NTRK2: variants seen among roughly 807,000 people sequenced by gnomAD.
NTRK2 encodes the protein neurotrophic receptor tyrosine kinase 2, also known as BDNF/NT-3 growth factors receptor.
Under a neutral mutation model 94.5 loss-of-function variants are expected in NTRK2, and 13 were observed. The ratio of observed to expected loss-of-function variants is 0.14; its 90% CI spans 0.09 to 0.22. The LOEUF is 0.22. Among genes scored for constraint, NTRK2 ranks in the 10% least tolerant of loss-of-function variants. The probability of loss-of-function intolerance (pLI) is 1.00; values close to 1 mark genes in which losing one functional copy is unlikely to be tolerated. For missense variants in NTRK2, 639 were observed against 1,071.2 expected (o/e 0.60, Z 5.63); for synonymous variants, 372 against 407.4 (o/e 0.91, Z 1.05).
At chr9:84,775,821 C>T (rs1361738622) in intron 12 of NTRK2, among the ~76,000 whole-genome samples, 1 of 152,168 alleles carries the variant, frequency 6.6e-6, no homozygotes, top group Non-Finnish European at 1.5e-5. Context: ...TTTCAAAATA[C>T]AGATCTGGGG....
chr9:84,884,785 T>A (rs922222105), intron 14 of NTRK2, among the ~76,000 whole-genome samples: 1 of 152,250 alleles, frequency 6.6e-6, no homozygotes, highest in Non-Finnish European at 1.5e-5. Flanking sequence ...TGTCAGGCAC[T>A]ATTTATCACA....
chr9:84,853,559 C>T (rs1356994694), intron 12 of NTRK2, among the ~76,000 whole-genome samples: 1 of 152,210 alleles, frequency 6.6e-6, no homozygotes, highest in Non-Finnish European at 1.5e-5. Context: ...ATTTTCATTA[C>T]ATTTGCTATA....
In NTRK2 at chr9:85,025,303, C is replaced by A. The variant is rs994630434; in HGVS notation, c.*3866C>A. On this transcript the variant is annotated 3_prime_UTR_variant, in exon 19 of 19. Coordinates refer to ENST00000277120, the MANE Select transcript of NTRK2 (RefSeq NM_006180.6). ...ACATTGCTTTCTTTTTGTCTTTCAGCACATTTGTATTATGCTCACCTTGTC... is the reference window on the plus strand; with the variant it reads ...ACATTGCTTTCTTTTTGTCTTTCAGAACATTTGTATTATGCTCACCTTGTC... 1 of 233,116 alleles carries A rather than the reference C, an allele frequency of 4.3e-6. No homozygotes were observed. Among genetic ancestry groups the A allele is most frequent in the Non-Finnish European group, 8.5e-6 (1 of 118,016 alleles). The allele number at this position is 233,116 out of a possible 1,614,324, so 14.4% of individuals were successfully genotyped here. A position where few individuals can be genotyped will look rare whatever the true frequency, so the allele number is the denominator to read the frequency against.
At chr9:84,947,486 G>A (rs2078638673) in intron 15 of NTRK2, among the ~76,000 whole-genome samples, 1 of 151,366 alleles carries the variant, frequency 6.6e-6, no homozygotes, top group Admixed American at 6.7e-5. Context: ...TCCAGGCAGA[G>A]GAATGTGCAC....
chr9:85,003,468 AGG>A, intron 17 of NTRK2, among the ~76,000 whole-genome samples: 1 of 152,168 alleles, frequency 6.6e-6, no homozygotes, highest in South Asian at 2.1e-4. Context: ...TAAAGAAGGA[AGG>A]GAAAGAGAGC....
At chr9:84,851,523 G>GT (rs1564388353) in intron 12 of NTRK2, among the ~76,000 whole-genome samples, 6 of 152,180 alleles carry the variant, frequency 3.9e-5, no homozygotes, top group African/African-American at 4.8e-5. Flanking sequence ...CCTAACAGAA[G>GT]AGTACACAGT....
At chr9:84,674,175 T>C (rs2058881793) in intron 2 of NTRK2, among the ~76,000 whole-genome samples, 2 of 152,202 alleles carry the variant, frequency 1.3e-5, no homozygotes, top group South Asian at 4.1e-4. Flanking sequence ...TAGTGTTCTG[T>C]GTATCCATGT....
At chr9:84,926,996 A>G (rs1463119641) in intron 14 of NTRK2, among the ~76,000 whole-genome samples, 7 of 152,208 alleles carry the variant, frequency 4.6e-5, no homozygotes, top group Non-Finnish European at 1.0e-4. Context: ...CTCTGGAGAC[A>G]TTTTTGAGGA....
At chr9:85,010,863 G>T (rs1831485615) in intron 17 of NTRK2, among the ~76,000 whole-genome samples, 1 of 152,140 alleles carries the variant, frequency 6.6e-6, no homozygotes, top group Non-Finnish European at 1.5e-5. Context: ...AAAACTAGGG[G>T]TCTTTGGCTG....
intron 17 of NTRK2, among the ~76,000 whole-genome samples, chr9:84,958,248 A>G (rs929682073): frequency 2.6e-5 from 4 of 152,198 alleles, no homozygotes; most frequent in Non-Finnish European, 5.9e-5. Context: ...ATATTTTGGT[A>G]CCTGAATTAT....
intron 17 of NTRK2, among the ~76,000 whole-genome samples, chr9:85,005,179 A>C (rs10125469): frequency 0.73 from 111,129 of 152,104 alleles, 41,249 homozygotes; most frequent in African/African-American, 0.82. Flanking sequence ...TTGTCAAATT[A>C]TCTGCATCAA....
At chr9:84,913,860 T>TTTATTA (rs148731843) in intron 14 of NTRK2, among the ~76,000 whole-genome samples, 1 of 150,916 alleles carries the variant, frequency 6.6e-6, no homozygotes, top group African/African-American at 2.4e-5. Context: ...ATTTTTCAAC[T>TTTATTA]TTATTATTAT....
intron 13 of NTRK2, among the ~76,000 whole-genome samples, chr9:84,864,015 G>A (rs1230436627): frequency 6.6e-6 from 1 of 152,194 alleles, no homozygotes; most frequent in African/African-American, 2.4e-5. Context: ...TGAGGAAGGA[G>A]AAGCAGAGAG....
chr9:84,950,656 T>C (rs1380197371), intron 16 of NTRK2, among the ~76,000 whole-genome samples: 1 of 151,270 alleles, frequency 6.6e-6, no homozygotes, highest in African/African-American at 2.4e-5. Flanking sequence ...CTGCTTGTGA[T>C]ATCTTGGTAG....
chr9:84,700,904 A>G (rs1412593599), intron 2 of NTRK2, among the ~76,000 whole-genome samples: 1 of 152,136 alleles, frequency 6.6e-6, no homozygotes, highest in African/African-American at 2.4e-5. Flanking sequence ...TCTTTTCTCC[A>G]TCTGTCCATC....
At chr9:84,716,061 T>G (rs988591058) in intron 6 of NTRK2, among the ~76,000 whole-genome samples, 4 of 152,188 alleles carry the variant, frequency 2.6e-5, no homozygotes, top group Non-Finnish European at 4.4e-5. Flanking sequence ...TCCCTGCACC[T>G]ATTTTACTAG....
chr9:84,812,706 C>G, intron 12 of NTRK2: 1 of 1,041,864 alleles, frequency 9.6e-7, no homozygotes. Context: ...TACCATGGAG[C>G]CATAGAAAGG....
intron 16 of NTRK2, among the ~76,000 whole-genome samples, chr9:84,949,064 G>T (rs1037145962): frequency 6.6e-6 from 1 of 152,224 alleles, no homozygotes; most frequent in Non-Finnish European, 1.5e-5. Flanking sequence ...ACTGTGGAAT[G>T]AACAGTAAGG....
chr9:84,927,646 T>C (rs906586097), intron 14 of NTRK2, among the ~76,000 whole-genome samples: 1 of 152,080 alleles, frequency 6.6e-6, no homozygotes. Flanking sequence ...GTGGAAAGAA[T>C]TCAAACCCTG....
Sources: allele counts gnomAD v4.1 joint callset (sites outside exome capture counted in the v4.1 genomes callset), GRCh38; gene constraint gnomAD v4.1.1; transcripts MANE v1.5; gene names NCBI Gene and HGNC (gene_info 2026-07-23, HGNC 2026-07-21).